Variants in PPIL6 observed in about 807,000 individuals in gnomAD.
The protein encoded by PPIL6 is peptidylprolyl isomerase like 6.
Under a neutral mutation model 36.8 loss-of-function variants are expected in PPIL6, and 39 were observed. The observed-to-expected ratio is 1.06, with a 90% CI of 0.82 to 1.38. The LOEUF is 1.38. Ranked by LOEUF, PPIL6 falls within the 40% of genes most tolerant of loss-of-function variation. PPIL6 has a pLI of 0.00. For missense variants in PPIL6, 368 were observed against 379.1 expected (o/e 0.97, Z 0.24); for synonymous variants, 123 against 134.1 (o/e 0.92, Z 0.57).
chr6:109,426,059 A>T (rs769593019), intron 5 of PPIL6, among the ~76,000 whole-genome samples: 4 of 152,226 alleles, frequency 2.6e-5, no homozygotes, highest in Non-Finnish European at 5.9e-5. Context: ...GAGGTTAGAT[A>T]ACAATATTTG....
chr6:109,401,026 A>AT (rs749611966), intron 6 of PPIL6, among the ~76,000 whole-genome samples: 6,073 of 114,900 alleles, frequency 0.053, 249 homozygotes, highest in East Asian at 0.14. Context: ...TGCCCGGCTA[A>AT]TTTTTTTTTT....
intron 2 of PPIL6, among the ~76,000 whole-genome samples, chr6:109,433,223 A>G (rs1562274047): frequency 6.6e-6 from 1 of 151,848 alleles, no homozygotes; most frequent in Non-Finnish European, 1.5e-5. Flanking sequence ...TGCCCAGCTA[A>G]TTTTTGTATT....
chr6:109,396,495 T>C (rs77484127), intron 7 of PPIL6, among the ~76,000 whole-genome samples: 8,004 of 152,140 alleles, frequency 0.053, 376 homozygotes, highest in East Asian at 0.21. Flanking sequence ...GATAAGATGC[T>C]CTCTTACTCC....
At chr6:109,423,922 T>C (rs1773680578) in intron 5 of PPIL6, among the ~76,000 whole-genome samples, 1 of 152,208 alleles carries the variant, frequency 6.6e-6, no homozygotes. Context: ...AAGCACCTAC[T>C]ATATCTCAAG....
intron 5 of PPIL6, among the ~76,000 whole-genome samples, chr6:109,422,815 A>G (rs1773617034): frequency 6.6e-6 from 1 of 152,258 alleles, no homozygotes; most frequent in South Asian, 2.1e-4. Context: ...GAAAGCCTGA[A>G]GCATATTAAT....
intron 7 of PPIL6, among the ~76,000 whole-genome samples, chr6:109,396,086 C>T (rs576837810): frequency 7.2e-5 from 11 of 152,202 alleles, no homozygotes; most frequent in South Asian, 2.1e-4. Context: ...CGGCCCACCT[C>T]GGACTCCCAA....
intron 5 of PPIL6, among the ~76,000 whole-genome samples, chr6:109,420,119 A>G (rs1168405997): frequency 3.3e-5 from 5 of 152,044 alleles, no homozygotes; most frequent in African/African-American, 7.2e-5. Flanking sequence ...AAATCACTTG[A>G]GGCCAGGAGT....
At chr6:109,405,208 G>T (rs1772747759) in intron 6 of PPIL6, among the ~76,000 whole-genome samples, 1 of 152,064 alleles carries the variant, frequency 6.6e-6, no homozygotes, top group Non-Finnish European at 1.5e-5. Flanking sequence ...GCTGGCTTCT[G>T]CCCAAAGTTC....
At chr6:109,408,635 T>G (rs1442967229) in intron 6 of PPIL6, among the ~76,000 whole-genome samples, 2 of 152,178 alleles carry the variant, frequency 1.3e-5, no homozygotes, top group African/African-American at 2.4e-5. Flanking sequence ...AAATAAGATA[T>G]AGAACCTCAA....
At chr6:109,427,623 G>A (rs1020073672) in intron 3 of PPIL6, among the ~76,000 whole-genome samples, 1 of 152,156 alleles carries the variant, frequency 6.6e-6, no homozygotes, top group Non-Finnish European at 1.5e-5. Flanking sequence ...CTGAGCTCAA[G>A]GGATCGCCTA....
chr6:109,418,427 T>C (rs1307932905), intron 6 of PPIL6, among the ~76,000 whole-genome samples: 1 of 152,228 alleles, frequency 6.6e-6, no homozygotes, highest in Admixed American at 6.5e-5. Context: ...GCAGATTTCA[T>C]GGCTGTTGGT....
chr6:109,434,095 T>C (rs1244196351), intron 2 of PPIL6, among the ~76,000 whole-genome samples: 4 of 152,020 alleles, frequency 2.6e-5, no homozygotes, highest in Admixed American at 2.0e-4. Context: ...CATAACAAGT[T>C]TGATAAAAAA....
chr6:109,427,907 T>C (rs1773912007), intron 3 of PPIL6, among the ~76,000 whole-genome samples: 1 of 152,192 alleles, frequency 6.6e-6, no homozygotes, highest in Non-Finnish European at 1.5e-5. Flanking sequence ...ATGGATTTGG[T>C]TACTGTGCGT....
intron 7 of PPIL6, among the ~76,000 whole-genome samples, chr6:109,396,164 C>T (rs1445076194): frequency 6.6e-6 from 1 of 152,200 alleles, no homozygotes; most frequent in Non-Finnish European, 1.5e-5. Flanking sequence ...ATCTGTACTG[C>T]TGATGCTTTA....
intron 5 of PPIL6, among the ~76,000 whole-genome samples, chr6:109,425,938 A>T (rs939207098): frequency 6.6e-6 from 1 of 151,834 alleles, no homozygotes; most frequent in Admixed American, 6.6e-5. Flanking sequence ...GCAATATGAT[A>T]AAAAAAACTA....
At chr6:109,396,714 C>A (rs146023253) in intron 7 of PPIL6, among the ~76,000 whole-genome samples, 1 of 151,856 alleles carries the variant, frequency 6.6e-6, no homozygotes, top group Non-Finnish European at 1.5e-5. Flanking sequence ...AATGGGTGCA[C>A]GTGAATGGAG....
intron 2 of PPIL6, among the ~76,000 whole-genome samples, chr6:109,435,296 CTT>C (rs911840164): frequency 1.7e-4 from 22 of 131,924 alleles, no homozygotes; most frequent in Middle Eastern, 3.9e-3. Flanking sequence ...AAATGTTGCA[CTT>C]TTTTTTTTTT....
intron 6 of PPIL6, among the ~76,000 whole-genome samples, chr6:109,417,030 C>T (rs1402976127): frequency 6.6e-6 from 1 of 151,590 alleles, no homozygotes; most frequent in Non-Finnish European, 1.5e-5. Context: ...AATTAGCCAG[C>T]GTGGTGGCAT....
intron 5 of PPIL6, 40 bp downstream of exon 5, chr6:109,426,807 T>G (rs1159887680): frequency 1.5e-6 from 2 of 1,364,974 alleles, no homozygotes; most frequent in Non-Finnish European, 2.0e-6. Context: ...CCTTCTCATT[T>G]GATATTGCAA....
Sources: gnomAD v4.1 joint callset for allele counts (sites outside exome capture counted in the v4.1 genomes callset) on GRCh38, gnomAD v4.1.1 for gene constraint, MANE v1.5 for transcripts, NCBI Gene and HGNC (gene_info 2026-07-23, HGNC 2026-07-21) for gene names.